TUBE1: variants seen among roughly 807,000 people sequenced by gnomAD.
TUBE1 encodes tubulin epsilon chain.
A neutral mutation model predicts 53.5 loss-of-function variants in TUBE1; 34 were observed. The observed-to-expected ratio is 0.64, with a 90% CI of 0.48 to 0.85. The LOEUF (loss-of-function observed/expected upper bound fraction) is 0.85. TUBE1 is among the 40% of genes least tolerant of loss of function. The pLI, the probability that TUBE1 is intolerant of heterozygous loss-of-function variation, is 0.00. For synonymous variants in TUBE1, 177 were observed against 198.4 expected, an observed-to-expected ratio of 0.89 and a Z score of 0.91; for missense variants, 532 against 570.5, an observed-to-expected ratio of 0.93 and a Z score of 0.69.
At chr6:112,083,569 C>T (rs1554317027) in intron 4 of TUBE1, among the ~76,000 whole-genome samples, 1 of 152,136 alleles carries the variant, frequency 6.6e-6, no homozygotes, top group Non-Finnish European at 1.5e-5. Context: ...CTGCCCGCTT[C>T]GGCCTCCCAA....
chr6:112,086,861 A>C (rs1180645729), intron 2 of TUBE1: 18 of 494,488 alleles, frequency 3.6e-5, no homozygotes, highest in Admixed American at 7.5e-5. Context: ...CAGGTCCATC[A>C]AATGAGCGTT....
intron 11 of TUBE1, 152 bp from the exon 12 acceptor site, chr6:112,071,722 C>T (rs957627329): frequency 7.2e-6 from 7 of 976,612 alleles, no homozygotes; most frequent in Non-Finnish European, 1.0e-5. Flanking sequence ...ATCCTATAAA[C>T]TCATGAATTT....
At chr6:112,079,881 T>C in intron 5 of TUBE1, 127 bp from the exon 6 acceptor site, 1 of 863,160 alleles carries the variant, frequency 1.2e-6, no homozygotes, top group Non-Finnish European at 1.7e-6. Context: ...TAAAGTCTAT[T>C]CTTGTTTCAT....
intron 6 of TUBE1, 89 bp from the exon 7 acceptor site, chr6:112,076,598 G>GCAAGACCCTGTC: frequency 1.7e-6 from 2 of 1,165,882 alleles, no homozygotes; most frequent in Non-Finnish European, 2.4e-6. Context: ...TTGAGACAGG[G>GCAAGACCCTGTC]TCTTGCTCTG....
Position 112,071,230 on chromosome 6 carries a change from T to C in TUBE1, c.*182A>G. On this transcript the variant is annotated 3_prime_UTR_variant, in exon 12 of 12. Coordinates refer to ENST00000368662, the MANE Select transcript of TUBE1 (RefSeq NM_016262.5). ...AATGTTTGAAGTTAAGGTACTAAGA[T>C]TTCACTAATTTCACACATTGGTATT... is the stretch of plus-strand genomic sequence containing the variant. 1 of 514,262 alleles carries C rather than the reference T, an allele frequency of 1.9e-6. No homozygotes were observed. The highest frequency in any genetic ancestry group is 3.3e-6 in the Non-Finnish European group (1 of 303,598). 31.9% of individuals were successfully genotyped at this position (514,262 alleles called of 1,614,324 possible). A position where few individuals can be genotyped will look rare whatever the true frequency, so the allele number is the denominator to read the frequency against.
intron 5 of TUBE1, 144 bp downstream of exon 5, chr6:112,080,948 C>A: frequency 4.4e-6 from 2 of 451,266 alleles, no homozygotes; most frequent in Admixed American, 4.0e-5. Context: ...GGCTTCCAAG[C>A]CACTATTTAT....
intron 4 of TUBE1, among the ~76,000 whole-genome samples, chr6:112,083,380 C>T (rs1177839909): frequency 3.3e-5 from 5 of 149,760 alleles, no homozygotes; most frequent in African/African-American, 7.4e-5. Context: ...TGCAGTGGCG[C>T]GATCTCGGCT....
chr6:112,084,391 T>G, intron 3 of TUBE1, 145 bp from the exon 4 acceptor site: 1 of 657,994 alleles, frequency 1.5e-6, no homozygotes, highest in South Asian at 2.1e-5. Flanking sequence ...AATCTCTTTC[T>G]TCCTTGCTTA....
intron 3 of TUBE1, chr6:112,085,628 T>G (rs374558652): frequency 2.1e-6 from 1 of 470,474 alleles, no homozygotes; most frequent in Non-Finnish European, 4.4e-6. Context: ...ATGACAGATA[T>G]CTCCATAAAA....
Position 112,071,188 on chromosome 6 carries a change from G to C in TUBE1, c.*224C>G, listed in dbSNP as rs1391733701. ...TATGTTATCTCAATTTTAGAAAAGG[G>C]AACTTTTCTGAAGAGAAATGTTTGA... On this transcript the variant is annotated 3_prime_UTR_variant, in exon 12 of 12. Transcript: ENST00000368662. 1 of 411,398 alleles carries C rather than the reference G, an allele frequency of 2.4e-6. No homozygotes were observed. The highest frequency in any genetic ancestry group is 3.9e-5 in the Admixed American group (1 of 25,602). 25.5% of individuals were successfully genotyped at this position (411,398 alleles called of 1,614,324 possible).
At chr6:112,078,388 G>C (rs782315146) in intron 6 of TUBE1, 13 of 151,978 alleles carry the variant, frequency 8.6e-5, no homozygotes, top group Non-Finnish European at 1.8e-4. Flanking sequence ...CTATGACAGA[G>C]AGCTGATATG....
intron 6 of TUBE1, chr6:112,077,473 T>C (rs1224502446): frequency 4.1e-5 from 3 of 72,666 alleles, no homozygotes; most frequent in Admixed American, 2.2e-4. Flanking sequence ...ATTAGTACTG[T>C]TTTCTTAAAT....
intron 3 of TUBE1, chr6:112,085,601 G>A (rs184606700): frequency 1.7e-4 from 79 of 458,588 alleles, no homozygotes; most frequent in Admixed American, 1.3e-3. Flanking sequence ...ACAAATAAGA[G>A]GGAATCTATA....
intron 9 of TUBE1, among the ~76,000 whole-genome samples, 187 bp downstream of exon 9, chr6:112,074,523 A>C (rs900696426): frequency 3.3e-5 from 5 of 152,196 alleles, no homozygotes; most frequent in Non-Finnish European, 5.9e-5. Flanking sequence ...ATAGTTTAAT[A>C]CTGGCATTTT....
In TUBE1 at chr6:112,081,207, C is replaced by T. The variant is rs1313471014; in HGVS notation, c.211G>A (p.Ala71Thr). 1.1e-5 allele frequency: 17 copies of T among 1,521,400 alleles called. No individual in the cohort carries two copies. Among genetic ancestry groups the T allele is most frequent in the African/African-American group, 8.3e-5 (6 of 71,950 alleles). The allele number at this position is 1,521,400 out of a possible 1,614,324, so 94.2% of individuals were successfully genotyped here. Residue 71 changes from alanine (A) to threonine (T), a missense_variant and splice_region_variant, in exon 5 of 12, where the codon GCA (alanine) becomes ACA (threonine). Ala to Thr is a moderately conservative substitution (Grantham distance 58). Coordinates refer to ENST00000368662, the MANE Select transcript of TUBE1 (RefSeq NM_016262.5). ...CCTTCTTCCATATCAATCAAGACTGCCTGAGAAAGAAAAATAAAATATAAT... is the reference window on the plus strand; with the variant it reads ...CCTTCTTCCATATCAATCAAGACTGTCTGAGAAAGAAAAATAAAATATAAT... ...KGKICSLKAR[A>T]VLIDMEEGVV...
At chr6:112,086,671 T>A in intron 2 of TUBE1, 63 bp from the exon 3 acceptor site, 3 of 1,100,588 alleles carry the variant, frequency 2.7e-6, no homozygotes, top group Admixed American at 3.8e-5. Flanking sequence ...TCAAGTTCTT[T>A]CAATTTTAAT....
At chr6:112,075,610 A>G (rs1554315916) in intron 8 of TUBE1, 1 of 174,522 alleles carries the variant, frequency 5.7e-6, no homozygotes, top group Admixed American at 6.1e-5. Context: ...GTTAATGAGG[A>G]GGTACAGATT....
intron 2 of TUBE1, chr6:112,086,945 A>G (rs141490225): frequency 3.9e-6 from 2 of 510,264 alleles, no homozygotes; most frequent in East Asian, 3.1e-5. Flanking sequence ...CGTGTTATCT[A>G]TTTTACAAAG....
At chr6:112,078,646 G>C (rs1777014876) in intron 6 of TUBE1, 1 of 152,012 alleles carries the variant, frequency 6.6e-6, no homozygotes, top group Non-Finnish European at 1.5e-5. Context: ...TAAGTGAATT[G>C]TAAGTATGTT....
Sources: gnomAD v4.1 joint callset for allele counts (sites outside exome capture counted in the v4.1 genomes callset) on GRCh38, gnomAD v4.1.1 for gene constraint, MANE v1.5 for transcripts, NCBI Gene and HGNC (gene_info 2026-07-23, HGNC 2026-07-21) for gene names.